Variants in CSMD1 observed in about 807,000 individuals in gnomAD.
CSMD1 encodes the protein CUB and Sushi multiple domains 1, also known as CUB and sushi domain-containing protein 1.
CSMD1 carries 213 observed loss-of-function variants against 417.5 expected under a neutral mutation model. The observed-to-expected ratio is 0.51, with a 90% CI of 0.46 to 0.57. CSMD1 has a LOEUF of 0.57. CSMD1 is among the 20% of genes least tolerant of loss of function. CSMD1 has a pLI of 0.00. For missense variants in CSMD1, 6,923 were observed against 4,529.7 expected, an observed-to-expected ratio of 1.53 and a Z score of -15.17; for synonymous variants, 2,862 against 1,736.8, an observed-to-expected ratio of 1.65 and a Z score of -16.11.
intron 50 of CSMD1, among the ~76,000 whole-genome samples, chr8:3,034,632 C>T (rs991078724): frequency 1.3e-5 from 2 of 151,890 alleles, no homozygotes; most frequent in African/African-American, 4.8e-5. Context: ...TTATAAAAAT[C>T]AATGCATAAT....
intron 10 of CSMD1, among the ~76,000 whole-genome samples, chr8:3,522,920 T>C (rs941636535): frequency 2.7e-5 from 4 of 150,386 alleles, no homozygotes; most frequent in African/African-American, 7.3e-5. Flanking sequence ...ATGTATAAAA[T>C]ATCAATATAT....
chr8:3,766,590 G>C (rs1001769193), intron 5 of CSMD1, among the ~76,000 whole-genome samples: 1 of 152,028 alleles, frequency 6.6e-6, no homozygotes, highest in Admixed American at 6.6e-5. Flanking sequence ...TATCAAAAAA[G>C]GCAGTGTCGC....
intron 1 of CSMD1, among the ~76,000 whole-genome samples, chr8:4,831,865 G>A (rs1219193578): frequency 6.6e-6 from 1 of 151,522 alleles, no homozygotes; most frequent in Non-Finnish European, 1.5e-5. Context: ...ACATCCAGAA[G>A]GTGCAAGGAT....
intron 3 of CSMD1, among the ~76,000 whole-genome samples, chr8:4,240,637 G>C (rs1802343674): frequency 6.6e-6 from 1 of 152,100 alleles, no homozygotes; most frequent in South Asian, 2.1e-4. Context: ...CATTCCCAGT[G>C]CCTTTCAACA....
chr8:3,580,293 T>C (rs555016427), intron 9 of CSMD1, among the ~76,000 whole-genome samples: 13 of 152,092 alleles, frequency 8.5e-5, no homozygotes, highest in African/African-American at 2.9e-4. Context: ...AAAAGATTTG[T>C]AAAGTGAGGG....
At chr8:4,368,921 C>T (rs749867559) in intron 3 of CSMD1, among the ~76,000 whole-genome samples, 1 of 151,960 alleles carries the variant, frequency 6.6e-6, no homozygotes, top group Non-Finnish European at 1.5e-5. Context: ...TTTTATTGAT[C>T]TCTTATATGG....
chr8:4,121,006 T>G (rs774881400), intron 3 of CSMD1, among the ~76,000 whole-genome samples: 1 of 152,194 alleles, frequency 6.6e-6, no homozygotes, highest in African/African-American at 2.4e-5. Context: ...TTTTGATGGC[T>G]TGGTTTATTA....
chr8:4,569,092 T>A (rs1361628387), intron 2 of CSMD1, among the ~76,000 whole-genome samples: 1 of 152,112 alleles, frequency 6.6e-6, no homozygotes, highest in Non-Finnish European at 1.5e-5. Context: ...CACTGTTCAC[T>A]GTGATGATAG....
At chr8:3,359,366 T>C (rs1484033020) in intron 20 of CSMD1, 26 bp from the exon 21 acceptor site, 3 of 1,580,848 alleles carry the variant, frequency 1.9e-6, no homozygotes, top group Non-Finnish European at 2.6e-6. Flanking sequence ...ACAGAGTAAA[T>C]GCATGAGGAT....
chr8:4,424,743 A>G (rs1797446493), intron 2 of CSMD1, among the ~76,000 whole-genome samples: 1 of 152,084 alleles, frequency 6.6e-6, no homozygotes, highest in Non-Finnish European at 1.5e-5. Context: ...AATGCTCATG[A>G]TGGGAAACTG....
At chr8:4,217,826 G>C (rs928406011) in intron 3 of CSMD1, among the ~76,000 whole-genome samples, 1 of 152,102 alleles carries the variant, frequency 6.6e-6, no homozygotes, top group Non-Finnish European at 1.5e-5. Flanking sequence ...TCTCAAGTAA[G>C]ATTCAAATGC....
chr8:3,134,103 T>G lies in CSMD1; in HGVS notation c.6241+8362A>C, dbSNP rs571248150. ...AGGAGAATCACTTGAACCAGGGAGT[T>G]AGAGGTTGCAGTGAGCCGAGAGTGT... is the stretch of plus-strand genomic sequence containing the variant. On this transcript the variant is annotated intron_variant, in intron 41 of 69. Transcript: ENST00000635120. 3.3e-5 allele frequency among the ~76,000 whole-genome samples: 5 copies of G among 151,782 alleles called. No individual in the cohort carries two copies. In the South Asian group the frequency reaches 1.0e-3, roughly 32 times the overall value.
At chr8:3,381,412 C>T (rs181786581) in intron 18 of CSMD1, among the ~76,000 whole-genome samples, 1 of 152,218 alleles carries the variant, frequency 6.6e-6, no homozygotes, top group African/African-American at 2.4e-5. Context: ...CATAAACATT[C>T]AAGTAAAATT....
At chr8:3,148,937 C>G (rs929184779) in intron 40 of CSMD1, among the ~76,000 whole-genome samples, 5 of 152,182 alleles carry the variant, frequency 3.3e-5, no homozygotes, top group Non-Finnish European at 7.3e-5. Context: ...TTCTAAAAAG[C>G]TAGGGATAAT....
At chr8:3,854,714 G>C (rs987869192) in intron 5 of CSMD1, among the ~76,000 whole-genome samples, 1 of 150,820 alleles carries the variant, frequency 6.6e-6, no homozygotes, top group African/African-American at 2.5e-5. Context: ...TGAGACAGCG[G>C]GGGAAATGAG....
chr8:3,378,279 C>G (rs1810436766), intron 18 of CSMD1, among the ~76,000 whole-genome samples: 1 of 152,112 alleles, frequency 6.6e-6, no homozygotes, highest in Admixed American at 6.6e-5. Flanking sequence ...CTAAAAGAAG[C>G]CCAGGACCAG....
chr8:3,053,519 T>G (rs898847171), intron 49 of CSMD1, among the ~76,000 whole-genome samples: 5 of 152,126 alleles, frequency 3.3e-5, no homozygotes, highest in East Asian at 3.9e-4. Context: ...AAGGAATTGA[T>G]AGAGGAGGCA....
At chr8:4,957,653 G>C (rs1051546989) in intron 1 of CSMD1, among the ~76,000 whole-genome samples, 1 of 152,154 alleles carries the variant, frequency 6.6e-6, no homozygotes, top group Non-Finnish European at 1.5e-5. Context: ...CCATTCTAGA[G>C]TTAAAATTAA....
chr8:3,624,689 G>C (rs1796409219), intron 7 of CSMD1, among the ~76,000 whole-genome samples: 2 of 152,156 alleles, frequency 1.3e-5, no homozygotes, highest in African/African-American at 2.4e-5. Flanking sequence ...GTATTGATGA[G>C]CTTTGTTTGA....
Sources: gnomAD v4.1 joint callset for allele counts (sites outside exome capture counted in the v4.1 genomes callset) on GRCh38, gnomAD v4.1.1 for gene constraint, MANE v1.5 for transcripts, NCBI Gene and HGNC (gene_info 2026-07-23, HGNC 2026-07-21) for gene names.